MCTP2: variants seen among roughly 807,000 people sequenced by gnomAD.
MCTP2 encodes the protein multiple C2 and transmembrane domain-containing protein 2.
In MCTP2, 132 loss-of-function variants were observed where a neutral mutation model predicts 111.6. The observed-to-expected ratio is 1.18, with a 90% confidence interval of 1.03 to 1.37. MCTP2 has a LOEUF of 1.37. Ranked by LOEUF, MCTP2 falls within the 40% of genes most tolerant of loss-of-function variation. The probability of loss-of-function intolerance (pLI) is 0.00; values close to 1 mark genes in which losing one functional copy is unlikely to be tolerated. For synonymous variants in MCTP2, 395 were observed against 387.7 expected, an observed-to-expected ratio of 1.02 and a Z score of -0.22; for missense variants, 1,183 against 1,067.9, an observed-to-expected ratio of 1.11 and a Z score of -1.50.
chr15:94,455,671 C>T (rs896823077), intron 19 of MCTP2, among the ~76,000 whole-genome samples: 9 of 151,956 alleles, frequency 5.9e-5, no homozygotes, highest in Admixed American at 3.3e-4. Flanking sequence ...GTTATCTGCC[C>T]GCCTTGGCCT....
At chr15:94,393,808 G>T (rs2081123566) in intron 14 of MCTP2, among the ~76,000 whole-genome samples, 1 of 152,092 alleles carries the variant, frequency 6.6e-6, no homozygotes, top group South Asian at 2.1e-4. Flanking sequence ...CTAGCACTTT[G>T]GGAGGCCAAG....
At chr15:94,333,301 A>G (rs970577376) in intron 4 of MCTP2, among the ~76,000 whole-genome samples, 2 of 152,252 alleles carry the variant, frequency 1.3e-5, no homozygotes, top group African/African-American at 2.4e-5. Context: ...ATAATACTGT[A>G]TAAAGACTGA....
chr15:94,399,818 G>A, intron 15 of MCTP2, 103 bp from the exon 16 acceptor site: 3 of 947,062 alleles, frequency 3.2e-6, no homozygotes, highest in Non-Finnish European at 3.4e-6. Context: ...TAAGGTCAGA[G>A]TCAGAAGCTA....
intron 7 of MCTP2, chr15:94,341,818 T>G (rs753652423): frequency 2.0e-5 from 3 of 152,190 alleles, no homozygotes; most frequent in Non-Finnish European, 4.4e-5. Flanking sequence ...TTACTTCTTT[T>G]TAAAAAGTGG....
chr15:94,437,705 G>T (rs1001154649), intron 17 of MCTP2, among the ~76,000 whole-genome samples: 1 of 151,982 alleles, frequency 6.6e-6, no homozygotes, highest in Non-Finnish European at 1.5e-5. Context: ...TAAGAGACTT[G>T]CCCACTCAGA....
intron 19 of MCTP2, 120 bp downstream of exon 19, chr15:94,443,080 C>G: frequency 1.6e-6 from 1 of 635,408 alleles, no homozygotes; most frequent in South Asian, 2.5e-5. Context: ...GATAGAGTTA[C>G]CAGTATAGTA....
chr15:94,289,789 A>G (rs2074949687), intron 1 of MCTP2, among the ~76,000 whole-genome samples: 1 of 152,156 alleles, frequency 6.6e-6, no homozygotes, highest in African/African-American at 2.4e-5. Flanking sequence ...AGATACCCAC[A>G]TCCTTATCCC....
intron 20 of MCTP2, among the ~76,000 whole-genome samples, chr15:94,466,529 T>C (rs1183050240): frequency 6.6e-6 from 1 of 152,228 alleles, no homozygotes; most frequent in Admixed American, 6.5e-5. Context: ...ATGTCCACTC[T>C]ATGGTACAAT....
intron 1 of MCTP2, among the ~76,000 whole-genome samples, chr15:94,244,088 A>T (rs2071453986): frequency 1.8e-5 from 1 of 54,748 alleles, no homozygotes; most frequent in South Asian, 5.7e-4. Flanking sequence ...ATGCACACAT[A>T]TGTATACACA....
intron 8 of MCTP2, among the ~76,000 whole-genome samples, chr15:94,346,695 A>G (rs1170602819): frequency 1.3e-5 from 2 of 152,182 alleles, no homozygotes; most frequent in Non-Finnish European, 2.9e-5. Flanking sequence ...AAGAACATAA[A>G]GGCTAGAAAG....
chr15:94,235,284 G>C (rs1215000483), intron 1 of MCTP2, among the ~76,000 whole-genome samples: 1 of 151,580 alleles, frequency 6.6e-6, no homozygotes, highest in Admixed American at 6.6e-5. Flanking sequence ...TGGTGGTTTA[G>C]ACTCATTCAT....
chr15:94,385,438 C>A lies in MCTP2; in HGVS notation c.1701C>A (p.Ile567=). ...TTTGTTACAGTCCCATTAAAGATAT[C>A]CATGATGTTTTGGAAGTGACAGTGT... The part of the protein sequence containing the change: ...NKVFTFPIKD[I]HDVLEVTVFD... Residue 567 remains isoleucine, a synonymous_variant, in exon 14 of 23, where the codon ATC becomes ATA. Transcript: ENST00000357742. 6.2e-7 allele frequency: 1 copy of A among 1,611,806 alleles called. No homozygotes were observed. Among genetic ancestry groups the A allele is most frequent in the Non-Finnish European group, 8.5e-7 (1 of 1,178,222 alleles).
rs141760453 is a variant in MCTP2, at chr15:94,298,380, C to A, written c.115C>A (p.Arg39=). ...GAACCCAAGTAAGCCCCCAGATCTA[C>A]GGGCAAGGCATCACTTGGACCGCCG... The part of the protein sequence containing the change: ...KKNPSKPPDL[R]ARHHLDRRLS... The change falls in exon 2 of 23, where the codon CGG becomes AGG. Residue 39 remains arginine (R), a synonymous_variant. Coordinates refer to ENST00000357742, the MANE Select transcript of MCTP2 (RefSeq NM_001385001.1). 6.2e-7 allele frequency: 1 copy of A among 1,614,152 alleles called. No homozygotes were observed. Among genetic ancestry groups the A allele is most frequent in the South Asian group, 1.1e-5 (1 of 91,080 alleles).
chr15:94,410,758 A>G (rs923168366), intron 17 of MCTP2, among the ~76,000 whole-genome samples: 4 of 152,214 alleles, frequency 2.6e-5, no homozygotes. Flanking sequence ...GCATCTAATC[A>G]ATGCTTCTTG....
intron 7 of MCTP2, 94 bp from the exon 8 acceptor site, chr15:94,345,035 G>A: frequency 7.2e-7 from 1 of 1,386,636 alleles, no homozygotes; most frequent in Non-Finnish European, 1.0e-6. Flanking sequence ...ATGTAACCTG[G>A]ACCATCTAAC....
At chr15:94,381,607 G>A (rs1464319695) in intron 12 of MCTP2, among the ~76,000 whole-genome samples, 1 of 152,226 alleles carries the variant, frequency 6.6e-6, no homozygotes, top group African/African-American at 2.4e-5. Flanking sequence ...CGGTTTCCCT[G>A]GAGCAACTGC....
At chr15:94,270,530 C>T (rs938159048) in intron 1 of MCTP2, among the ~76,000 whole-genome samples, 9 of 152,110 alleles carry the variant, frequency 5.9e-5, no homozygotes, top group Non-Finnish European at 1.0e-4. Flanking sequence ...CTCCTGCTCC[C>T]CTTTGAGGTC....
intron 19 of MCTP2, among the ~76,000 whole-genome samples, chr15:94,452,344 G>A (rs973453416): frequency 2.6e-5 from 4 of 152,110 alleles, no homozygotes; most frequent in African/African-American, 9.7e-5. Flanking sequence ...AAATGATAGA[G>A]GTACAATGCA....
chr15:94,342,120 T>C (rs2077676412), intron 7 of MCTP2: 3 of 152,136 alleles, frequency 2.0e-5, no homozygotes, highest in Admixed American at 2.0e-4. Context: ...AAAAAATTTC[T>C]TATATATTCA....
Sources: allele counts gnomAD v4.1 joint callset (sites outside exome capture counted in the v4.1 genomes callset), GRCh38; gene constraint gnomAD v4.1.1; transcripts MANE v1.5; gene names NCBI Gene and HGNC (gene_info 2026-07-23, HGNC 2026-07-21).